The following TTYH2 variants were observed in gnomAD, a reference collection of about 807,000 sequenced individuals.
TTYH2 encodes the protein protein tweety homolog 2.
A neutral mutation model predicts 68.3 loss-of-function variants in TTYH2; 49 were observed. That is an observed-to-expected ratio of 0.72 (90% CI 0.57 to 0.91). The LOEUF is 0.91. Ranked by LOEUF, TTYH2 falls within the 40% of genes least tolerant of loss-of-function variation. TTYH2 has a pLI of 0.00. For missense variants in TTYH2, 631 were observed against 700.4 expected, an observed-to-expected ratio of 0.90 and a Z score of 1.12; for synonymous variants, 272 against 300.8, an observed-to-expected ratio of 0.90 and a Z score of 0.99.
intron 2 of TTYH2, among the ~76,000 whole-genome samples, chr17:74,224,909 G>A (rs1209164199): frequency 6.6e-6 from 1 of 151,748 alleles, no homozygotes; most frequent in African/African-American, 2.4e-5. Context: ...TGAGGCAGGA[G>A]TATCATTTGA....
rs2050210922 is a variant in TTYH2, at chr17:74,215,209, A to T, written c.129+1493A>T. Reference sequence around the variant, plus strand: ...TGTGTGTGTGTGTGTGTGTGTCCCCATCCCAAACCCTGTGCCCCACATCCC... The same window carrying T: ...TGTGTGTGTGTGTGTGTGTGTCCCCTTCCCAAACCCTGTGCCCCACATCCC... On this transcript the variant is annotated intron_variant, in intron 1 of 13. Transcript: ENST00000269346. This position sits in a 1 kb window ranked among gnomAD's most constrained non-coding sequence, Gnocchi z 4.3. 7.2e-6 allele frequency among the ~76,000 whole-genome samples: 1 copy of T among 139,796 alleles called. No individual in the cohort carries two copies. The highest frequency in any genetic ancestry group is 3.1e-5 in the African/African-American group (1 of 32,040). The allele number at this position is 139,796 out of a possible 152,430, so 91.7% of individuals were successfully genotyped here.
At chr17:74,252,671 G>A (rs1489848709) in intron 11 of TTYH2, among the ~76,000 whole-genome samples, 3 of 152,218 alleles carry the variant, frequency 2.0e-5, no homozygotes, top group African/African-American at 2.4e-5. Context: ...AGGACTTTGC[G>A]ATCTGGAATG....
rs59096145 is a variant in TTYH2 at position 74,241,296 on chromosome 17, T to TGTGTGTGCGC, written c.636-2077_636-2076insTGTGTGCGCG. Among the ~76,000 whole-genome samples the TGTGTGTGCGC allele has an allele frequency of 4.8e-5, 7 of 146,254 alleles. No homozygotes were observed. Among genetic ancestry groups the TGTGTGTGCGC allele is most frequent in the African/African-American group, 1.8e-4 (7 of 39,648 alleles). On this transcript the variant is annotated intron_variant, in intron 4 of 13. Coordinates refer to ENST00000269346, the MANE Select transcript of TTYH2 (RefSeq NM_032646.6). This position sits in a 1 kb window ranked among gnomAD's most constrained non-coding sequence, Gnocchi z 4.1. The stretch of plus-strand genomic sequence containing the variant: ...GTGTGTGTGTGTGTGTGTGTGTGTG[T>TGTGTGTGCGC]GCGTGTAAAAATAAGAATGTGATCC...
chr17:74,239,372 G>A lies in TTYH2; in HGVS notation c.635+1858G>A, dbSNP rs1369043576. Reference sequence around the variant, plus strand: ...AGGGGAAGCATGAGTCAGGAGGAGCGAGTGTCAGTTCTTTGGATCCCTCCC... The same window carrying A: ...AGGGGAAGCATGAGTCAGGAGGAGCAAGTGTCAGTTCTTTGGATCCCTCCC... On this transcript the variant is annotated intron_variant, in intron 4 of 13. Coordinates refer to ENST00000269346, the MANE Select transcript of TTYH2 (RefSeq NM_032646.6). The surrounding 1 kb of genome is among the most constrained non-coding windows in gnomAD (Gnocchi z 5.3). Among the ~76,000 whole-genome samples, 4 of 152,320 alleles carry A rather than the reference G, an allele frequency of 2.6e-5. No homozygotes were observed. The South Asian group carries it at 6.2e-4, about 24-fold the overall frequency.
intron 6 of TTYH2, among the ~76,000 whole-genome samples, chr17:74,246,968 A>T (rs2050564588): frequency 1.3e-5 from 2 of 152,088 alleles, no homozygotes; most frequent in Admixed American, 1.3e-4. Context: ...GGATCACCTG[A>T]GGTCAGGAGT....
intron 2 of TTYH2, among the ~76,000 whole-genome samples, chr17:74,230,388 C>T (rs1345571418): frequency 6.6e-6 from 1 of 152,108 alleles, no homozygotes; most frequent in Non-Finnish European, 1.5e-5. Context: ...AGCCACCACA[C>T]CCAGCCAACA....
intron 4 of TTYH2, among the ~76,000 whole-genome samples, chr17:74,242,637 C>T (rs537540271): frequency 2.0e-5 from 3 of 152,346 alleles, no homozygotes; most frequent in South Asian, 4.1e-4. Flanking sequence ...AAGTGATCTG[C>T]CCGTCTTGGC....
intron 8 of TTYH2, among the ~76,000 whole-genome samples, chr17:74,249,669 G>C (rs568217087): frequency 1.3e-5 from 2 of 152,322 alleles, no homozygotes; most frequent in Non-Finnish European, 2.9e-5. Context: ...CTACTCACAA[G>C]CTCCCAGGTG....
chr17:74,248,827 T>A, intron 6 of TTYH2, 184 bp from the exon 7 acceptor site: 1 of 1,430,606 alleles, frequency 7.0e-7, no homozygotes, highest in Admixed American at 2.8e-5. Context: ...AAGTAACTTG[T>A]CCAAGGCAAC....
At chr17:74,258,686 C>T (rs141478031) in intron 13 of TTYH2, among the ~76,000 whole-genome samples, 71 of 152,122 alleles carry the variant, frequency 4.7e-4, no homozygotes, top group Non-Finnish European at 7.1e-4. Context: ...TGATGGGCAG[C>T]GTCATTCTCG....
chr17:74,230,854 C>A, intron 2 of TTYH2, 34 bp from the exon 3 acceptor site: 1 of 1,603,556 alleles, frequency 6.2e-7, no homozygotes, highest in Non-Finnish European at 8.5e-7. Flanking sequence ...CTCTGTGTAT[C>A]ACCTCTAACC....
rs920516437 is a variant in TTYH2 at position 74,261,819 on chromosome 17, A to G, written c.*1610A>G. 2 of 152,294 alleles carry G rather than the reference A, an allele frequency of 1.3e-5. No homozygotes were observed. The highest frequency in any genetic ancestry group is 4.8e-5 in the African/African-American group (2 of 41,438). The allele number at this position is 152,294 out of a possible 1,614,324, so 9.4% of individuals were successfully genotyped here. On this transcript the variant is annotated 3_prime_UTR_variant, in exon 14 of 14. Transcript: ENST00000269346. ...GTATGCCATAAACTCACTTTGGTAT[A>G]TCCGCGTCACATGCAGAGAGGAACT... is the stretch of plus-strand genomic sequence containing the variant.
chr17:74,218,755 G>A (rs370198343), intron 1 of TTYH2, among the ~76,000 whole-genome samples: 19 of 152,246 alleles, frequency 1.2e-4, no homozygotes, highest in East Asian at 9.7e-4. Context: ...GATCCTTCTC[G>A]GACGAGCCTT....
At chr17:74,229,654 C>T (rs1244606305) in intron 2 of TTYH2, among the ~76,000 whole-genome samples, 3 of 152,154 alleles carry the variant, frequency 2.0e-5, no homozygotes, top group Non-Finnish European at 4.4e-5. Flanking sequence ...AAGCTGTGGT[C>T]CATCCAGACA....
intron 3 of TTYH2, among the ~76,000 whole-genome samples, chr17:74,234,360 G>A (rs1245176748): frequency 3.3e-5 from 5 of 152,240 alleles, no homozygotes; most frequent in Non-Finnish European, 7.3e-5. Context: ...CTTTCCGTGA[G>A]AGAGAGCCTG....
chr17:74,219,525 A>G (rs887207578), intron 1 of TTYH2, among the ~76,000 whole-genome samples: 2 of 152,074 alleles, frequency 1.3e-5, no homozygotes, highest in African/African-American at 4.8e-5. Context: ...ATCAGATCGT[A>G]TTCCTGACCC....
intron 4 of TTYH2, among the ~76,000 whole-genome samples, chr17:74,238,084 G>T (rs980380649): frequency 6.6e-6 from 1 of 152,134 alleles, no homozygotes; most frequent in Non-Finnish European, 1.5e-5. Context: ...CGCGCCAAAG[G>T]CTGGACCTGG....
chr17:74,214,462 G>T lies in TTYH2; in HGVS notation c.129+746G>T, dbSNP rs2143704396. On this transcript the variant is annotated intron_variant, in intron 1 of 13. Transcript: ENST00000269346. The surrounding 1 kb of genome is among the most constrained non-coding windows in gnomAD (Gnocchi z 4.6). ...GACTGGCCCATTCCTGTTCCCCCAC[G>T]CCCCTCTCTCTACCTCACACCTTTA... Among the ~76,000 whole-genome samples, 1 of 152,062 alleles carries T rather than the reference G, an allele frequency of 6.6e-6. No homozygotes were observed. Among genetic ancestry groups the T allele is most frequent in the East Asian group, 1.9e-4 (1 of 5,170 alleles).
chr17:74,255,719 G>A (rs999685405), intron 13 of TTYH2, among the ~76,000 whole-genome samples: 1 of 152,264 alleles, frequency 6.6e-6, no homozygotes, highest in Admixed American at 6.5e-5. Context: ...TTACAGGCAT[G>A]AGCCACCGTG....
Sources: gnomAD v4.1 joint callset for allele counts (sites outside exome capture counted in the v4.1 genomes callset) on GRCh38, gnomAD v4.1.1 for gene constraint, Gnocchi (gnomAD v3.1) non-coding constraint, MANE v1.5 for transcripts, NCBI Gene and HGNC (gene_info 2026-07-23, HGNC 2026-07-21) for gene names.